MCM9: variants seen among roughly 807,000 people sequenced by gnomAD.
The protein encoded by MCM9 is minichromosome maintenance 9 homologous recombination repair factor.
Under a neutral mutation model 72.8 loss-of-function variants are expected in MCM9, and 55 were observed. The ratio of observed to expected loss-of-function variants is 0.76; its 90% CI spans 0.61 to 0.95. The LOEUF is 0.95. Among genes scored for constraint, MCM9 ranks in the 40% least tolerant of loss-of-function variants. MCM9 has a pLI of 0.00. For missense variants in MCM9, 1,279 were observed against 1,377.0 expected, an observed-to-expected ratio of 0.93 and a Z score of 1.13; for synonymous variants, 480 against 503.4, an observed-to-expected ratio of 0.95 and a Z score of 0.62.
chr6:118,832,660 TACAA>T (rs1370799592), intron 9 of MCM9, among the ~76,000 whole-genome samples: 29 of 152,348 alleles, frequency 1.9e-4, no homozygotes, highest in Middle Eastern at 3.4e-3. Flanking sequence ...TTAAACGTCC[TACAA>T]ACACAGTAGT....
rs1562397964 is a variant in MCM9 at position 118,820,215 on chromosome 6, G to C, written c.1962-3921C>G. 2.6e-5 allele frequency among the ~76,000 whole-genome samples: 4 copies of C among 152,172 alleles called. No individual in the cohort carries two copies. In the East Asian group the frequency reaches 7.7e-4, roughly 29 times the overall value. ...TCTAGTTCTTTTAATTGTGATGTTA[G>C]GGTGTCAATTTTAGTTCTTTCCCTC... On this transcript the variant is annotated intron_variant, in intron 13 of 13. Transcript: ENST00000619706.
chr6:118,817,796 A>T (rs1370539042), intron 13 of MCM9, among the ~76,000 whole-genome samples: 1 of 152,192 alleles, frequency 6.6e-6, no homozygotes, highest in African/African-American at 2.4e-5. Context: ...CCTAGCCACC[A>T]TCTGTTGTTT....
intron 9 of MCM9, among the ~76,000 whole-genome samples, chr6:118,847,977 A>G (rs1008632278): frequency 6.6e-6 from 1 of 151,896 alleles, no homozygotes; most frequent in Admixed American, 6.6e-5. Flanking sequence ...TCAAGTGTCA[A>G]TGCTATGAAA....
At chr6:118,932,548 CTCTCT>C in intron 2 of MCM9, 54 bp downstream of exon 2, 1 of 930,600 alleles carries the variant, frequency 1.1e-6, no homozygotes, top group African/African-American at 1.8e-5. Flanking sequence ...TGTGCTCTCT[CTCTCT>C]TTAGTTATAC....
chr6:118,932,575 T>A (rs958842751), intron 2 of MCM9, 32 bp downstream of exon 2: 19 of 978,878 alleles, frequency 1.9e-5, no homozygotes, highest in Non-Finnish European at 2.3e-5. Flanking sequence ...CACACACTCA[T>A]GTGTATTCTG....
At position 118,911,656 on chromosome 6, in the gene MCM9, T is replaced by C. The variant is rs1341581674; in HGVS notation, c.1144A>G (p.Ser382Gly). 6.2e-7 allele frequency: 1 copy of C among 1,610,838 alleles called. No homozygotes were observed. Among genetic ancestry groups the C allele is most frequent in the Non-Finnish European group, 8.5e-7 (1 of 1,178,358 alleles). ...AAATTGTCACATACAATACCTGCAC[T>C]AGTAGATCCAATTCCTGTGGTCAGC... ...SVLTTGIGST[S>G]AGLTVTAVKD... Residue 382 changes from serine (S) to glycine (G), a missense_variant, in exon 8 of 14, where the codon AGT (serine) becomes GGT (glycine). By Grantham distance (56) the Ser-to-Gly change is moderately conservative (BLOSUM62 0). Coordinates refer to ENST00000619706, the MANE Select transcript of MCM9 (RefSeq NM_017696.3).
intron 4 of MCM9, among the ~76,000 whole-genome samples, chr6:118,923,508 T>G (rs1781608073): frequency 6.6e-6 from 1 of 152,198 alleles, no homozygotes; most frequent in Non-Finnish European, 1.5e-5. Flanking sequence ...CTAAGAACAT[T>G]AATTTTCTTC....
At chr6:118,895,016 C>G (rs1365689467) in intron 8 of MCM9, among the ~76,000 whole-genome samples, 1 of 152,162 alleles carries the variant, frequency 6.6e-6, no homozygotes, top group Non-Finnish European at 1.5e-5. Flanking sequence ...CTTGCCCCGC[C>G]GCCCGCCTGC....
chr6:118,922,339 C>T (rs948426622), intron 4 of MCM9, among the ~76,000 whole-genome samples: 2 of 152,098 alleles, frequency 1.3e-5, no homozygotes, highest in Non-Finnish European at 2.9e-5. Flanking sequence ...TCAAAGTAAA[C>T]GTATGCTCCA....
At chr6:118,901,172 T>C (rs1382174491) in intron 8 of MCM9, 2 of 227,368 alleles carry the variant, frequency 8.8e-6, no homozygotes, top group Non-Finnish European at 1.7e-5. Context: ...AATTTGGGGC[T>C]CTTCCTGTGA....
chr6:118,897,145 A>G (rs934720601), intron 8 of MCM9, among the ~76,000 whole-genome samples: 1 of 152,190 alleles, frequency 6.6e-6, no homozygotes, highest in Non-Finnish European at 1.5e-5. Context: ...CCCAAACTAT[A>G]GAATATTTTG....
chr6:118,877,726 C>T, intron 8 of MCM9, among the ~76,000 whole-genome samples: 1 of 152,056 alleles, frequency 6.6e-6, no homozygotes, highest in East Asian at 1.9e-4. Flanking sequence ...ACCATCTGCA[C>T]CAGGAGGGAG....
chr6:118,873,831 C>T (rs976509941), intron 8 of MCM9, among the ~76,000 whole-genome samples: 2 of 152,202 alleles, frequency 1.3e-5, no homozygotes, highest in Non-Finnish European at 2.9e-5. Context: ...AAGAAAACTG[C>T]AGTCCATATC....
chr6:118,888,480 C>T (rs771272408), intron 8 of MCM9, among the ~76,000 whole-genome samples: 4 of 151,464 alleles, frequency 2.6e-5, no homozygotes, highest in Non-Finnish European at 4.4e-5. Flanking sequence ...GAGTGAGACT[C>T]GTCTCAAAAC....
rs146928835 is a variant in MCM9 at position 118,931,551 on chromosome 6, A to C, written c.173T>G (p.Phe58Cys). 3.7e-6 allele frequency: 6 copies of C among 1,614,058 alleles called. No homozygotes were observed. The African/African-American group carries it at 6.7e-5, about 18-fold the overall frequency. ...FETNMEIGEY[F>C]NMFPSEVLTI... ...AAGCACTTCACTGGGGAACATGTTGAAATATTCCCCGATTTCCATGTTGGT... is the reference window on the plus strand; with the variant it reads ...AAGCACTTCACTGGGGAACATGTTGCAATATTCCCCGATTTCCATGTTGGT... Residue 58 changes from phenylalanine to cysteine, a missense_variant, in exon 3 of 14, where the codon TTC becomes TGC. Phe to Cys is a radical substitution (Grantham distance 205). Transcript: ENST00000619706.
chr6:118,843,684 A>ATATGTGTGTGTG (rs1554257136), intron 9 of MCM9, among the ~76,000 whole-genome samples: 60 of 72,712 alleles, frequency 8.3e-4, no homozygotes, highest in African/African-American at 2.6e-3. Flanking sequence ...GTATATATAT[A>ATATGTGTGTGTG]TGTGTATATA....
intron 8 of MCM9, among the ~76,000 whole-genome samples, chr6:118,900,055 A>G (rs1779700456): frequency 2.6e-5 from 4 of 152,200 alleles, no homozygotes; most frequent in African/African-American, 9.7e-5. Context: ...AACGCCTTGA[A>G]TTGCACCTGA....
chr6:118,854,193 T>C (rs1248596731), intron 9 of MCM9, among the ~76,000 whole-genome samples: 2 of 152,192 alleles, frequency 1.3e-5, no homozygotes, highest in African/African-American at 4.8e-5. Context: ...CTTCTTCCTT[T>C]CTATTCTGAA....
chr6:118,874,038 G>C (rs1241681697), intron 8 of MCM9, among the ~76,000 whole-genome samples: 1 of 152,070 alleles, frequency 6.6e-6, no homozygotes, highest in East Asian at 1.9e-4. Flanking sequence ...CGGATTGCTT[G>C]AGCCCAGAAG....
Sources: allele counts gnomAD v4.1 joint callset (sites outside exome capture counted in the v4.1 genomes callset), GRCh38; gene constraint gnomAD v4.1.1; transcripts MANE v1.5; gene names NCBI Gene and HGNC (gene_info 2026-07-23, HGNC 2026-07-21).